Variants in MISP observed in about 807,000 individuals in gnomAD.
MISP encodes mitotic spindle positioning.
A neutral mutation model predicts 49.3 loss-of-function variants in MISP; 51 were observed. The observed-to-expected ratio is 1.03, with a 90% CI of 0.83 to 1.31. The LOEUF (loss-of-function observed/expected upper bound fraction) is 1.31. MISP is among the 50% of genes most tolerant of loss of function. The pLI, the probability that MISP is intolerant of heterozygous loss-of-function variation, is 0.00. For missense variants in MISP, 1,084 were observed against 935.1 expected, an observed-to-expected ratio of 1.16 and a Z score of -2.08; for synonymous variants, 444 against 392.6, an observed-to-expected ratio of 1.13 and a Z score of -1.55.
Position 757,887 on chromosome 19 carries a change from G to T in MISP, c.941G>T (p.Arg314Leu). Residue 314 changes from arginine (R) to leucine (L), a missense_variant, in exon 2 of 5, where the codon CGG becomes CTG. Arg to Leu is a moderately radical substitution (Grantham distance 102, BLOSUM62 -2). Coordinates refer to ENST00000215582, the MANE Select transcript of MISP (RefSeq NM_173481.4). The part of the protein sequence containing the change: ...EADLREQRGL[R>L]QATDHQELVE... ...GACCTGCGAGAGCAGAGGGGGCTTC[G>T]GCAGGCAACCGACCACCAGGAGCTG... 2 of 1,606,580 alleles carry T rather than the reference G, an allele frequency of 1.2e-6. No homozygotes were observed. Among genetic ancestry groups the T allele is most frequent in the Non-Finnish European group, 1.7e-6 (2 of 1,179,718 alleles).
chr19:753,629 C>T (rs1451555652), intron 1 of MISP, among the ~76,000 whole-genome samples: 4 of 151,764 alleles, frequency 2.6e-5, no homozygotes, highest in Non-Finnish European at 4.4e-5. Flanking sequence ...CCTCGTGATC[C>T]GCCAAAGTGC....
rs145024685 is a variant in MISP at position 757,150 on chromosome 19, C to G, written c.204C>G (p.Tyr68Ter). The G allele has an allele frequency of 1.2e-6, 2 of 1,613,348 alleles. No homozygotes were observed. Among genetic ancestry groups the G allele is most frequent in the South Asian group, 2.2e-5 (2 of 91,084 alleles). Residue 68 changes from tyrosine to a stop codon, truncating the protein, a stop_gained, in exon 2 of 5, where the codon TAC becomes TAG. Coordinates refer to ENST00000215582, the MANE Select transcript of MISP (RefSeq NM_173481.4). LOFTEE classifies it high-confidence loss of function. Reference sequence around the variant, plus strand: ...GCGTGCAGAGGCAGGGGGTGTCCTACAGCGTGCATGCCTACACTGGCCAGC... The same window carrying G: ...GCGTGCAGAGGCAGGGGGTGTCCTAGAGCGTGCATGCCTACACTGGCCAGC... ...QQGVQRQGVSYSVHAYTGQPS... is the reference protein window; with the variant it reads ...QQGVQRQGVS
rs1435307079 is a variant in MISP at position 757,488 on chromosome 19, T to G, written c.542T>G (p.Leu181Arg). Residue 181 changes from leucine (L) to arginine (R), a missense_variant, in exon 2 of 5, where the codon CTG becomes CGG. Physicochemically the swap from Leu to Arg is moderately radical, Grantham distance 102 (BLOSUM62 -2). Transcript: ENST00000215582. ...CCCGGCCCACCTCGGTCCACGCCCC[T>G]GGAGGAGAACGTGGTTGACAGGGAG... Reference protein sequence around the residue: ...RTPGPPRSTPLEENVVDREQI... With the variant: ...RTPGPPRSTPREENVVDREQI... The G allele has an allele frequency of 6.2e-7, 1 of 1,600,456 alleles. No homozygotes were observed. The highest frequency in any genetic ancestry group is 8.5e-7 in the Non-Finnish European group (1 of 1,174,410).
intron 1 of MISP, among the ~76,000 whole-genome samples, chr19:752,545 G>T (rs2033475843): frequency 6.6e-6 from 1 of 150,538 alleles, no homozygotes; most frequent in African/African-American, 2.4e-5. Context: ...CGGGGGGCGG[G>T]GGTGGGCACT....
At chr19:750,479 T>G (rs1230864557), upstream of MISP, among the ~76,000 whole-genome samples, 3 of 151,902 alleles carry the variant, frequency 2.0e-5, no homozygotes, top group South Asian at 6.2e-4. Flanking sequence ...GGATTACAGG[T>G]GTGAGCCACC....
At chr19:753,291 G>A (rs1180553146) in intron 1 of MISP, among the ~76,000 whole-genome samples, 1 of 151,988 alleles carries the variant, frequency 6.6e-6, no homozygotes, top group Non-Finnish European at 1.5e-5. Context: ...ATTGCGTGTA[G>A]TTTCAACACG....
rs550914650 is a variant in MISP at position 755,602 on chromosome 19, A to G, written c.-57-1288A>G. On this transcript the variant is annotated intron_variant, in intron 1 of 4. Transcript: ENST00000215582. Reference sequence around the variant, plus strand: ...TGGAAAGGCTCAGTGCACAGGAGACACAGATAAATATGGTGCGGCCAAGGA... The same window carrying G: ...TGGAAAGGCTCAGTGCACAGGAGACGCAGATAAATATGGTGCGGCCAAGGA... Among the ~76,000 whole-genome samples, 9 of 152,284 alleles carry G rather than the reference A, an allele frequency of 5.9e-5. No individual in the cohort carries two copies. The South Asian group carries it at 1.9e-3, about 32-fold the overall frequency.
At chr19:759,500 C>T (rs1022784179) in intron 2 of MISP, among the ~76,000 whole-genome samples, 1 of 150,012 alleles carries the variant, frequency 6.7e-6, no homozygotes, top group Non-Finnish European at 1.5e-5. Flanking sequence ...CCCGGGTTCA[C>T]GCCATTCTCT....
intron 4 of MISP, among the ~76,000 whole-genome samples, chr19:762,010 C>CTT (rs1384160244): frequency 2.0e-5 from 3 of 148,126 alleles, no homozygotes; most frequent in African/African-American, 2.5e-5. Context: ...TGCAGTGGTG[C>CTT]GATCTCGGCT....
chr19:749,690 C>T (rs1045838447), upstream of MISP, among the ~76,000 whole-genome samples: 1 of 152,124 alleles, frequency 6.6e-6, no homozygotes, highest in African/African-American at 2.4e-5. Context: ...AATAGCTGGG[C>T]GTGGTGGCTC....
chr19:750,968 G>T (rs1321994280), upstream of MISP, among the ~76,000 whole-genome samples: 1 of 152,164 alleles, frequency 6.6e-6, no homozygotes, highest in Non-Finnish European at 1.5e-5. Context: ...CCCTTGCCCA[G>T]CCTGGTATCC....
chr19:750,083 G>T (rs549889247), upstream of MISP, among the ~76,000 whole-genome samples: 5 of 151,970 alleles, frequency 3.3e-5, no homozygotes, highest in African/African-American at 1.2e-4. Flanking sequence ...TCCCAGCAAG[G>T]CCTCTGCACC....
Position 758,364 on chromosome 19 carries a change from C to A in MISP, c.1418C>A (p.Ser473Tyr). 1 of 1,614,174 alleles carries A rather than the reference C, an allele frequency of 6.2e-7. No individual in the cohort carries two copies. Among genetic ancestry groups the A allele is most frequent in the African/African-American group, 1.3e-5 (1 of 75,064 alleles). ...ATGTCCCCGAGGCATCTCTCAGAAT[C>A]CTCTGGAAAACCCCTGAGCACAAAG... ...ATMSPRHLSE[S>Y]SGKPLSTKQE... Residue 473 changes from serine to tyrosine, a missense_variant, in exon 2 of 5, where the codon TCC becomes TAC. By Grantham distance (144) the Ser-to-Tyr change is moderately radical (BLOSUM62 -2). Transcript: ENST00000215582.
At position 757,484 on chromosome 19, in the gene MISP, C is replaced by T. The variant is rs754786153; in HGVS notation, c.538C>T (p.Pro180Ser). 2 of 1,599,030 alleles carry T rather than the reference C, an allele frequency of 1.3e-6. No homozygotes were observed. Among genetic ancestry groups the T allele is most frequent in the African/African-American group, 1.3e-5 (1 of 74,844 alleles). Reference protein sequence around the residue: ...PRTPGPPRSTPLEENVVDREQ... With the variant: ...PRTPGPPRSTSLEENVVDREQ... ...GACCCCCGGCCCACCTCGGTCCACG[C>T]CCCTGGAGGAGAACGTGGTTGACAG... Residue 180 changes from proline to serine, a missense_variant, in exon 2 of 5, where the codon CCC (proline) becomes TCC (serine). Physicochemically the swap from Pro to Ser is moderately conservative, Grantham distance 74. Transcript: ENST00000215582.
chr19:756,125 G>T (rs187115686), intron 1 of MISP, among the ~76,000 whole-genome samples: 72 of 152,300 alleles, frequency 4.7e-4, no homozygotes, highest in Non-Finnish European at 2.1e-4. Flanking sequence ...AAGTTTTCAG[G>T]ATGCTTTGCT....
chr19:759,572 T>C (rs1043782081), intron 2 of MISP, among the ~76,000 whole-genome samples: 1 of 151,810 alleles, frequency 6.6e-6, no homozygotes, highest in Admixed American at 6.6e-5. Flanking sequence ...GCTAATTTTT[T>C]TGTATTTTTA....
upstream of MISP, among the ~76,000 whole-genome samples, chr19:749,093 G>T (rs1374817562): frequency 6.6e-6 from 1 of 152,148 alleles, no homozygotes; most frequent in Admixed American, 6.5e-5. Flanking sequence ...AGCTGAGATC[G>T]TGCCACTGCA....
upstream of MISP, among the ~76,000 whole-genome samples, chr19:749,853 C>A (rs1027287995): frequency 1.3e-5 from 2 of 152,042 alleles, no homozygotes; most frequent in African/African-American, 4.8e-5. Flanking sequence ...AAGCACCCCC[C>A]TCCTGAGCAG....
intron 1 of MISP, among the ~76,000 whole-genome samples, chr19:752,439 G>C (rs993093186): frequency 2.0e-5 from 3 of 151,788 alleles, no homozygotes; most frequent in Non-Finnish European, 4.4e-5. Context: ...CAGGAGAATG[G>C]TGTGAATCCG....
Sources: gnomAD v4.1 joint callset for allele counts (sites outside exome capture counted in the v4.1 genomes callset) on GRCh38, gnomAD v4.1.1 for gene constraint, MANE v1.5 for transcripts, NCBI Gene and HGNC (gene_info 2026-07-23, HGNC 2026-07-21) for gene names.